The following PHEX variants were observed in gnomAD, a reference collection of about 807,000 sequenced individuals.
PHEX encodes the protein phosphate-regulating neutral endopeptidase PHEX.
Under a neutral mutation model 68.0 loss-of-function variants are expected in PHEX, and 16 were observed. The observed-to-expected ratio is 0.24, with a 90% CI of 0.16 to 0.36. PHEX has a LOEUF of 0.36. PHEX is among the 10% of genes least tolerant of loss of function. PHEX has a pLI of 1.00. For missense variants in PHEX, 480 were observed against 575.5 expected, an observed-to-expected ratio of 0.83 and a Z score of 1.70; for synonymous variants, 208 against 205.1, an observed-to-expected ratio of 1.01 and a Z score of -0.12.
chrX:22,135,937 A>G (rs568557934), intron 12 of PHEX, among the ~76,000 whole-genome samples: 4 of 111,936 alleles, frequency 3.6e-5, no homozygotes, highest in African/African-American at 9.7e-5. Flanking sequence ...TTCAGAGTTC[A>G]GAGAAGTTTC....
At chrX:22,051,439 G>A (rs1346032139) in intron 3 of PHEX, among the ~76,000 whole-genome samples, 1 of 111,307 alleles carries the variant, frequency 9.0e-6, no homozygotes, top group African/African-American at 3.3e-5. Flanking sequence ...GCTGAGGCAG[G>A]AGAATCGCTT....
At chrX:22,210,000 T>A (rs149321501) in intron 15 of PHEX, among the ~76,000 whole-genome samples, 4,228 of 109,025 alleles carry the variant, frequency 0.039, 188 homozygotes, top group African/African-American at 0.13. Context: ...TATGAAAGAA[T>A]ACATAAAAAC....
intron 3 of PHEX, among the ~76,000 whole-genome samples, chrX:22,057,797 A>G (rs1928181524): frequency 9.0e-6 from 1 of 111,553 alleles, no homozygotes; most frequent in Non-Finnish European, 1.9e-5. Context: ...CCGCAGCACC[A>G]AGCATAGTGC....
At chrX:22,146,188 T>C (rs926938199) in intron 12 of PHEX, among the ~76,000 whole-genome samples, 1 of 112,345 alleles carries the variant, frequency 8.9e-6, no homozygotes, top group Non-Finnish European at 1.9e-5. Flanking sequence ...GTGCCTAAAT[T>C]AGTTCTCCCA....
intron 12 of PHEX, among the ~76,000 whole-genome samples, chrX:22,158,126 G>A (rs1179424763): frequency 8.9e-6 from 1 of 112,052 alleles, no homozygotes; most frequent in African/African-American, 3.2e-5. Flanking sequence ...AATACCATTA[G>A]CTCCGCTTAG....
chrX:22,165,235 G>A (rs371251882), intron 12 of PHEX, among the ~76,000 whole-genome samples: 65 of 111,820 alleles, frequency 5.8e-4, no homozygotes, highest in African/African-American at 2.0e-3. Flanking sequence ...TAGGTCTTAT[G>A]TTGGGTCATC....
At chrX:22,227,453 C>A in intron 19 of PHEX, 54 bp from the exon 20 acceptor site, 1 of 837,441 alleles carries the variant, frequency 1.2e-6, no homozygotes, top group Non-Finnish European at 1.8e-6. Flanking sequence ...GCTAGCTGAG[C>A]AAAGAGAAAA....
intron 13 of PHEX, among the ~76,000 whole-genome samples, chrX:22,174,884 T>C (rs796507198): frequency 4.5e-5 from 5 of 112,132 alleles, no homozygotes; most frequent in South Asian, 7.5e-4. Flanking sequence ...TTCTACTCCC[T>C]TCCTCAATCT....
intron 13 of PHEX, chrX:22,171,330 T>G (rs1307253135): frequency 9.0e-6 from 1 of 110,560 alleles, no homozygotes; most frequent in Non-Finnish European, 1.9e-5. Flanking sequence ...AAGAACAGCA[T>G]GGGGGAAACT....
In PHEX at chrX:22,133,564, C is replaced by T. The variant is rs144911719; in HGVS notation, c.1344C>T (p.Asp448=). ...AGGGCGTTCGCTGGGCCTTTATTGACATGCTAGAGAAAGAAAATGAGTGGA... is the reference window on the plus strand; with the variant it reads ...AGGGCGTTCGCTGGGCCTTTATTGATATGCTAGAGAAAGAAAATGAGTGGA... ...LVEGVRWAFI[D]MLEKENEWMD... Residue 448 remains aspartate (D), a synonymous_variant, in exon 12 of 22, where the codon GAC becomes GAT. Coordinates refer to ENST00000379374, the MANE Select transcript of PHEX (RefSeq NM_000444.6). 4.1e-4 allele frequency: 496 copies of T among 1,207,312 alleles called. 2 individuals carry two copies. In the African/African-American group the frequency reaches 7.7e-3, roughly 19 times the overall value.
chrX:22,236,622 G>A (rs1021169934), intron 20 of PHEX, among the ~76,000 whole-genome samples: 1 of 112,931 alleles, frequency 8.9e-6, no homozygotes, highest in Admixed American at 9.3e-5. Context: ...TTATTGGAAA[G>A]CAGCCACATT....
intron 6 of PHEX, among the ~76,000 whole-genome samples, chrX:22,093,777 AC>A (rs1279643175): frequency 1.8e-5 from 2 of 112,147 alleles, no homozygotes; most frequent in Non-Finnish European, 3.8e-5. Context: ...TGTCATGGAA[AC>A]AGTACTCAAG....
Position 22,099,247 on chromosome X carries a change from A to G in PHEX, c.1079+96A>G. ...CATCCTTTGAAAACTGTTTTTAAAG[A>G]ATGTTACATCAAAAGAGTCATAGGG... On this transcript the variant is annotated intron_variant, in intron 9 of 21. Transcript: ENST00000379374. 8.4e-6 allele frequency: 7 copies of G among 836,998 alleles called. 1 individual carries two copies. In the South Asian group the frequency reaches 1.0e-4, roughly 12 times the overall value. 69.0% of individuals were successfully genotyped at this position (836,998 alleles called of 1,213,427 possible). A position where few individuals can be genotyped will look rare whatever the true frequency, so the allele number is the denominator to read the frequency against.
rs1298677752 is a variant in PHEX, at chrX:22,146,851, T to A, written c.1404+13227T>A. On this transcript the variant is annotated intron_variant, in intron 12 of 21. Transcript: ENST00000379374. The stretch of plus-strand genomic sequence containing the variant: ...AATAAATAAAATAAAATTAATTAAT[T>A]AATTAATTAAAAAAATAAAAGACGA... Among the ~76,000 whole-genome samples, 9 of 110,295 alleles carry A rather than the reference T, an allele frequency of 8.2e-5. No homozygotes were observed. The East Asian group carries it at 1.7e-3, about 21-fold the overall frequency.
Position 22,032,765 on chromosome X carries a change from C to T in PHEX, c.-241C>T, listed in dbSNP as rs1926853134. 1 of 397,088 alleles carries T rather than the reference C, an allele frequency of 2.5e-6. No individual in the cohort carries two copies. The highest frequency in any genetic ancestry group is 4.4e-6 in the Non-Finnish European group (1 of 226,466). The allele number at this position is 397,088 out of a possible 1,213,427, so 32.7% of individuals were successfully genotyped here. On this transcript the variant is annotated 5_prime_UTR_variant, in exon 1 of 22. Coordinates refer to ENST00000379374, the MANE Select transcript of PHEX (RefSeq NM_000444.6). ...GGGAGAGCACCAAGATAAAGCAACA[C>T]TGTTTGTTTTGTCTAGTCAGGGGGA... is the stretch of plus-strand genomic sequence containing the variant.
In PHEX at chrX:22,174,946, T is replaced by C. The variant is rs145557283; in HGVS notation, c.1483-3327T>C. ...CTTATTAAGACCAACGAAAATAACA[T>C]TGGAGTCAGAGCCAAATGACTTGGA... On this transcript the variant is annotated intron_variant, in intron 13 of 21. Transcript: ENST00000379374. Among the ~76,000 whole-genome samples, 1,045 of 111,917 alleles carry C rather than the reference T, an allele frequency of 9.3e-3. 11 individuals carry two copies. The highest frequency in any genetic ancestry group is 0.032 in the African/African-American group (981 of 30,843).
At chrX:22,166,229 A>G in intron 12 of PHEX, among the ~76,000 whole-genome samples, 1 of 112,119 alleles carries the variant, frequency 8.9e-6, no homozygotes, top group African/African-American at 3.2e-5. Flanking sequence ...ACAATGTTGC[A>G]AAGATAATCT....
chrX:22,091,372 C>T (rs1304975187), intron 6 of PHEX, among the ~76,000 whole-genome samples: 1 of 111,736 alleles, frequency 8.9e-6, no homozygotes, highest in Admixed American at 9.4e-5. Flanking sequence ...ATCGTCTCCC[C>T]CTATAACCTA....
At chrX:22,131,757 C>T (rs1932015222) in intron 11 of PHEX, among the ~76,000 whole-genome samples, 3 of 112,801 alleles carry the variant, frequency 2.7e-5, no homozygotes, top group Admixed American at 1.9e-4. Context: ...TTTACAACCC[C>T]ATGCTCTCAA....
Sources: allele counts gnomAD v4.1 joint callset (sites outside exome capture counted in the v4.1 genomes callset), GRCh38; gene constraint gnomAD v4.1.1; transcripts MANE v1.5; gene names NCBI Gene and HGNC (gene_info 2026-07-23, HGNC 2026-07-21).